The following ESR1 variants were observed in gnomAD, a reference collection of about 807,000 sequenced individuals.
ESR1 encodes estrogen receptor 1.
In ESR1, 12 loss-of-function variants were observed where a neutral mutation model predicts 52.7. The ratio of observed to expected loss-of-function variants is 0.23; its 90% CI spans 0.15 to 0.37. The LOEUF is 0.37. Ranked by LOEUF, ESR1 falls within the 10% of genes least tolerant of loss-of-function variation. The pLI is 1.00. For synonymous variants in ESR1, 305 were observed against 316.8 expected (o/e 0.96, Z 0.39); for missense variants, 584 against 779.7 (o/e 0.75, Z 2.99).
In ESR1 at chr6:151,682,457, T is replaced by G. The variant is rs188163748; in HGVS notation, n.74-19418T>G. On this transcript the variant is annotated intron_variant and non_coding_transcript_variant, in intron 1 of 2. Coordinates refer to the ESR1 transcript ENST00000473497. ...CAACTTGATAATTGCTGAGTAGACC[T>G]AAAGTTTTGAAAATCAAGATCTCTT... 5.3e-5 allele frequency among the ~76,000 whole-genome samples: 8 copies of G among 152,346 alleles called. No homozygotes were observed. The East Asian group carries it at 1.5e-3, about 29-fold the overall frequency.
chr6:152,076,916 G>A (rs13211638), intron 6 of ESR1, among the ~76,000 whole-genome samples: 32,022 of 152,040 alleles, frequency 0.21, 4,739 homozygotes, highest in African/African-American at 0.41. Flanking sequence ...AAAATTTGCA[G>A]CCTGATGATG....
At chr6:151,712,785 A>G (rs1265993479) in intron 2 of ESR1, among the ~76,000 whole-genome samples, 1 of 152,220 alleles carries the variant, frequency 6.6e-6, no homozygotes, top group African/African-American at 2.4e-5. Context: ...ATCTGCAAAC[A>G]GAGACAATTT....
chr6:151,951,234 G>A (rs569442912), intron 4 of ESR1, among the ~76,000 whole-genome samples: 1 of 152,162 alleles, frequency 6.6e-6, no homozygotes, highest in South Asian at 2.1e-4. Context: ...TGTGTGAGCT[G>A]GGGCTCCAAT....
intron 4 of ESR1, among the ~76,000 whole-genome samples, chr6:151,976,473 C>A (rs536921554): frequency 6.6e-6 from 1 of 151,986 alleles, no homozygotes. Context: ...TAACTGCTTG[C>A]TTTCACACCA....
chr6:151,856,760 C>T (rs908200663), intron 2 of ESR1, among the ~76,000 whole-genome samples: 1 of 152,148 alleles, frequency 6.6e-6, no homozygotes, highest in East Asian at 1.9e-4. Flanking sequence ...GACTGCATTT[C>T]TCCTGACTTT....
chr6:152,081,899 CA>C (rs1202175959), intron 6 of ESR1, among the ~76,000 whole-genome samples: 2 of 152,132 alleles, frequency 1.3e-5, no homozygotes, highest in African/African-American at 4.8e-5. Flanking sequence ...TTCCTGGACA[CA>C]TACACCCTCC....
At chr6:151,702,341 CT>C (rs940248501) in intron 2 of ESR1, among the ~76,000 whole-genome samples, 2 of 151,350 alleles carry the variant, frequency 1.3e-5, no homozygotes, top group Non-Finnish European at 1.5e-5. Context: ...AAAATCCAAG[CT>C]TTTTTTTTCT....
At chr6:151,983,913 A>T (rs960222299) in intron 4 of ESR1, 1 of 152,100 alleles carries the variant, frequency 6.6e-6, no homozygotes, top group Non-Finnish European at 1.5e-5. Context: ...AGTCCTCAGA[A>T]TGTTGCTTAT....
chr6:151,768,220 G>A (rs1226384143), intron 2 of ESR1, among the ~76,000 whole-genome samples: 1 of 152,166 alleles, frequency 6.6e-6, no homozygotes, highest in Non-Finnish European at 1.5e-5. Context: ...GTGATCAAAG[G>A]TGACATCAGT....
chr6:152,082,190 G>A (rs1326145002), intron 6 of ESR1, among the ~76,000 whole-genome samples: 5 of 152,152 alleles, frequency 3.3e-5, no homozygotes, highest in African/African-American at 7.2e-5. Context: ...TATCCCTGAT[G>A]AACATCGATG....
At chr6:151,925,036 A>G (rs2032431763) in intron 3 of ESR1, among the ~76,000 whole-genome samples, 1 of 152,080 alleles carries the variant, frequency 6.6e-6, no homozygotes. Flanking sequence ...GGATTTCCAC[A>G]CTGCTTTCCA....
At chr6:151,948,512 C>T (rs2035964941) in intron 4 of ESR1, among the ~76,000 whole-genome samples, 2 of 152,102 alleles carry the variant, frequency 1.3e-5, no homozygotes, top group Admixed American at 1.3e-4. Context: ...GGAAAAGGGG[C>T]AGTTCAGTGG....
At chr6:151,688,264 G>A (rs1349942103), upstream of ESR1, among the ~76,000 whole-genome samples, 1 of 152,196 alleles carries the variant, frequency 6.6e-6, no homozygotes. Flanking sequence ...CCTGTCAACA[G>A]TTTCCTCTCA....
intron 2 of ESR1, among the ~76,000 whole-genome samples, chr6:151,753,667 G>A (rs1463605289): frequency 6.6e-6 from 1 of 152,174 alleles, no homozygotes; most frequent in Non-Finnish European, 1.5e-5. Context: ...CAGTTTGGGT[G>A]CACAGATATT....
At chr6:152,113,867 T>G (rs1169188322) in intron 6 of ESR1, among the ~76,000 whole-genome samples, 1 of 152,110 alleles carries the variant, frequency 6.6e-6, no homozygotes, top group African/African-American at 2.4e-5. Flanking sequence ...AACTGAGGAA[T>G]AGAAAGTTTA....
intron 4 of ESR1, among the ~76,000 whole-genome samples, chr6:151,982,318 A>G (rs1298056858): frequency 6.6e-6 from 1 of 152,242 alleles, no homozygotes; most frequent in African/African-American, 2.4e-5. Context: ...CCTTTCTGGT[A>G]AAGCATGTTT....
intron 4 of ESR1, among the ~76,000 whole-genome samples, chr6:152,009,224 G>A (rs2042575551): frequency 6.6e-6 from 1 of 151,936 alleles, no homozygotes; most frequent in East Asian, 1.9e-4. Flanking sequence ...TTCTTTACAT[G>A]AGTGGAATCC....
chr6:151,855,076 A>G (rs1339718534), intron 2 of ESR1, among the ~76,000 whole-genome samples: 1 of 151,904 alleles, frequency 6.6e-6, no homozygotes, highest in East Asian at 1.9e-4. Flanking sequence ...ACCACACCCA[A>G]CTAATTTTTG....
At chr6:151,920,542 G>A (rs1006441526) in intron 3 of ESR1, among the ~76,000 whole-genome samples, 1 of 151,914 alleles carries the variant, frequency 6.6e-6, no homozygotes, top group African/African-American at 2.4e-5. Flanking sequence ...TCTGTCCCAG[G>A]ACCCCATCAG....
Sources: allele counts gnomAD v4.1 joint callset (sites outside exome capture counted in the v4.1 genomes callset), GRCh38; gene constraint gnomAD v4.1.1; transcripts MANE v1.5; gene names NCBI Gene and HGNC (gene_info 2026-07-23, HGNC 2026-07-21).